The following RBM43 variants were observed in gnomAD, a reference collection of about 807,000 sequenced individuals.
RBM43 encodes the protein RNA binding motif protein 43.
Under a neutral mutation model 12.4 loss-of-function variants are expected in RBM43, and 12 were observed. The ratio of observed to expected loss-of-function variants is 0.97; its 90% CI spans 0.62 to 1.57. The LOEUF (loss-of-function observed/expected upper bound fraction) is 1.57, where lower values mean the gene tolerates loss of function less well. Among genes scored for constraint, RBM43 ranks in the 40% most tolerant of loss-of-function variants. The pLI, the probability that RBM43 is intolerant of heterozygous loss-of-function variation, is 0.00. For missense variants in RBM43, 348 were observed against 400.1 expected (o/e 0.87, Z 1.11); for synonymous variants, 138 against 145.7 (o/e 0.95, Z 0.38).
Position 151,248,680 on chromosome 2 carries a change from T to A in RBM43, c.*2226A>T, listed in dbSNP as rs2105187064. On this transcript the variant is annotated 3_prime_UTR_variant, in exon 4 of 4. Transcript: ENST00000331426. ...AGAAAAACAGACTAAATGATCCCTG[T>A]AATGTTTGAATATGTTACTAGCTGG... 6.6e-6 allele frequency: 1 copy of A among 152,306 alleles called. No homozygotes were observed. Among genetic ancestry groups the A allele is most frequent in the Middle Eastern group, 3.4e-3 (1 of 294 alleles). 9.4% of individuals were successfully genotyped at this position (152,306 alleles called of 1,614,324 possible).
At chr2:151,251,744 C>G in intron 3 of RBM43, 80 bp from the exon 4 acceptor site, 2 of 1,401,568 alleles carry the variant, frequency 1.4e-6, no homozygotes, top group Non-Finnish European at 1.9e-6. Context: ...CTGCCACTTT[C>G]TTTTCTCTGC....
chr2:151,258,020 A>G (rs1682996305), intron 1 of RBM43, among the ~76,000 whole-genome samples: 1 of 152,116 alleles, frequency 6.6e-6, no homozygotes, highest in South Asian at 2.1e-4. Flanking sequence ...AGTGAGCCCA[A>G]TTGTGCCATT....
At position 151,249,924 on chromosome 2, in the gene RBM43, G is replaced by C. The variant is rs922440137; in HGVS notation, c.*982C>G. On this transcript the variant is annotated 3_prime_UTR_variant, in exon 4 of 4. Coordinates refer to ENST00000331426, the MANE Select transcript of RBM43 (RefSeq NM_198557.3). ...AAGTACTTTTTCCCCCTAGCTTCTT[G>C]AGTCTGTTTTAGTTGGATGTGACAA... The C allele has an allele frequency of 1.3e-5, 2 of 152,160 alleles. No homozygotes were observed. The highest frequency in any genetic ancestry group is 2.4e-5 in the African/African-American group (1 of 41,422). The allele number at this position is 152,160 out of a possible 1,614,324, so 9.4% of individuals were successfully genotyped here.
intron 1 of RBM43, chr2:151,261,358 C>T (rs1683043624): frequency 1.3e-6 from 2 of 1,550,594 alleles, no homozygotes; most frequent in Non-Finnish European, 1.7e-6. Flanking sequence ...ACAGTTAAGC[C>T]CTAACAGCCT....
In RBM43 at chr2:151,251,377, GT is replaced by G; in HGVS notation, c.602del (p.Asn201ThrfsTer9). ...NPQRNLQRSN[N>X]SLASVRTLVP... ...CTAAGGTCCTGACTGATGCCAAAGA[GT>G]TATTACTTCTCTGTAGATTCCTCTG... On this transcript the variant is annotated frameshift_variant, in exon 4 of 4. Transcript: ENST00000331426. LOFTEE classifies it low-confidence loss of function (END_TRUNC). The G allele has an allele frequency of 1.2e-6, 2 of 1,614,140 alleles. No individual in the cohort carries two copies. Among genetic ancestry groups the G allele is most frequent in the Non-Finnish European group, 1.7e-6 (2 of 1,179,974 alleles).
intron 1 of RBM43, among the ~76,000 whole-genome samples, chr2:151,258,865 G>A (rs1438661726): frequency 2.6e-5 from 4 of 152,120 alleles, no homozygotes; most frequent in African/African-American, 9.7e-5. Flanking sequence ...AATGCAGGCC[G>A]GGCACGGTGG....
intron 3 of RBM43, among the ~76,000 whole-genome samples, chr2:151,252,340 T>C (rs992843827): frequency 6.6e-6 from 1 of 151,916 alleles, no homozygotes; most frequent in Non-Finnish European, 1.5e-5. Context: ...TTGGGCAACA[T>C]AGGGACACCC....
rs1682862137 is a variant in RBM43, at chr2:151,249,369, C to CTT, written c.*1535_*1536dup. ...TAAAACTAAGAATGTTACTTGTGGTCTTTCTTTTTTTTTTTTTTTTTTTTT... is the reference window on the plus strand; with the variant it reads ...TAAAACTAAGAATGTTACTTGTGGTCTTTTTCTTTTTTTTTTTTTTTTTTTTT... On this transcript the variant is annotated 3_prime_UTR_variant, in exon 4 of 4. Transcript: ENST00000331426. 1 of 123,312 alleles carries CTT rather than the reference C, an allele frequency of 8.1e-6. No homozygotes were observed. Among genetic ancestry groups the CTT allele is most frequent in the Non-Finnish European group, 1.6e-5 (1 of 60,928 alleles). 7.6% of individuals were successfully genotyped at this position (123,312 alleles called of 1,614,324 possible).
intron 2 of RBM43, among the ~76,000 whole-genome samples, chr2:151,254,307 T>TTTC (rs1553460026): frequency 3.6e-4 from 36 of 99,182 alleles, no homozygotes; most frequent in Admixed American, 1.4e-3. Context: ...CTCTCTCTCT[T>TTTC]TCTCTCTCTC....
chr2:151,261,831 G>C lies in RBM43; in HGVS notation c.-104C>G, dbSNP rs573941537. 39 of 963,768 alleles carry C rather than the reference G, an allele frequency of 4.0e-5. No individual in the cohort carries two copies. Among genetic ancestry groups the C allele is most frequent in the Middle Eastern group, 2.2e-4 (1 of 4,464 alleles). The allele number at this position is 963,768 out of a possible 1,614,324, so 59.7% of individuals were successfully genotyped here. A position where few individuals can be genotyped will look rare whatever the true frequency, so the allele number is the denominator to read the frequency against. ...CAGGCAGGTTTTGGTTTCGTTTTTTGTTCCAGCTCCCTTGGAGGCTACGAA... is the reference window on the plus strand; with the variant it reads ...CAGGCAGGTTTTGGTTTCGTTTTTTCTTCCAGCTCCCTTGGAGGCTACGAA... On this transcript the variant is annotated 5_prime_UTR_variant, in exon 1 of 4. Coordinates refer to ENST00000331426, the MANE Select transcript of RBM43 (RefSeq NM_198557.3).
chr2:151,251,463 G>C lies in RBM43; in HGVS notation c.517C>G (p.Leu173Val). Residue 173 changes from leucine (L) to valine (V), a missense_variant, in exon 4 of 4, where the codon CTC (leucine) becomes GTC (valine). Leu to Val is a conservative substitution (Grantham distance 32). Coordinates refer to ENST00000331426, the MANE Select transcript of RBM43 (RefSeq NM_198557.3). ...GTAAAATTTCTGTCTTTTTCTAAGA[G>C]AGAACATGCTCTTGCTAGCAAAGAT... ...RESLLARACS[L>V]LEKDRNFTSE... is the part of the protein sequence containing the mutation. 6.2e-7 allele frequency: 1 copy of C among 1,614,096 alleles called. No homozygotes were observed. Among genetic ancestry groups the C allele is most frequent in the Non-Finnish European group, 8.5e-7 (1 of 1,179,978 alleles).
At chr2:151,257,560 G>A (rs898732957) in intron 1 of RBM43, among the ~76,000 whole-genome samples, 2 of 152,062 alleles carry the variant, frequency 1.3e-5, no homozygotes, top group African/African-American at 4.8e-5. Flanking sequence ...TGGCATGGTG[G>A]TGCATGCCTG....
At position 151,261,810 on chromosome 2, in the gene RBM43, C is replaced by A; in HGVS notation, c.-83G>T. The A allele has an allele frequency of 6.8e-7, 1 of 1,477,224 alleles. No homozygotes were observed. The highest frequency in any genetic ancestry group is 2.0e-5 in the African/African-American group (1 of 51,002). 91.5% of individuals were successfully genotyped at this position (1,477,224 alleles called of 1,614,324 possible). A position where few individuals can be genotyped will look rare whatever the true frequency, so the allele number is the denominator to read the frequency against. On this transcript the variant is annotated 5_prime_UTR_variant, in exon 1 of 4. Coordinates refer to ENST00000331426, the MANE Select transcript of RBM43 (RefSeq NM_198557.3). ...GGCGATGGGGAGAGGAGCGAGCAGGCAGGTTTTGGTTTCGTTTTTTGTTCC... is the reference window on the plus strand; with the variant it reads ...GGCGATGGGGAGAGGAGCGAGCAGGAAGGTTTTGGTTTCGTTTTTTGTTCC...
At position 151,248,814 on chromosome 2, in the gene RBM43, C is replaced by T. The variant is rs1203478046; in HGVS notation, c.*2092G>A. ...GCCAAGTAAATGCAAGCACTGAATACACAAAGGCCAAATAAATACAAGACA... is the reference window on the plus strand; with the variant it reads ...GCCAAGTAAATGCAAGCACTGAATATACAAAGGCCAAATAAATACAAGACA... On this transcript the variant is annotated 3_prime_UTR_variant, in exon 4 of 4. Coordinates refer to ENST00000331426, the MANE Select transcript of RBM43 (RefSeq NM_198557.3). 1 of 152,020 alleles carries T rather than the reference C, an allele frequency of 6.6e-6. No individual in the cohort carries two copies. The highest frequency in any genetic ancestry group is 2.4e-5 in the African/African-American group (1 of 41,382). The allele number at this position is 152,020 out of a possible 1,614,324, so 9.4% of individuals were successfully genotyped here.
intron 1 of RBM43, among the ~76,000 whole-genome samples, chr2:151,257,412 C>T (rs913809525): frequency 2.6e-5 from 4 of 152,186 alleles, no homozygotes; most frequent in Non-Finnish European, 5.9e-5. Context: ...AAAAAGAAGG[C>T]CAGGCACGGT....
chr2:151,259,138 C>CAG (rs1553460275), intron 1 of RBM43, among the ~76,000 whole-genome samples: 3 of 140,298 alleles, frequency 2.1e-5, no homozygotes, highest in Non-Finnish European at 4.6e-5. Context: ...ACTTCGTCCC[C>CAG]AAAAAAAAAA....
Position 151,251,648 on chromosome 2 carries a change from T to G in RBM43, c.332A>C (p.Asn111Thr). 1 of 1,610,120 alleles carries G rather than the reference T, an allele frequency of 6.2e-7. No individual in the cohort carries two copies. The highest frequency in any genetic ancestry group is 8.5e-7 in the Non-Finnish European group (1 of 1,178,974). ...HFGDKIFSSV[N>T]AILDLSVFGK... ...AAAAACAGAAAGATCAAGGATGGCA[T>G]TTACAGAGCTGAAGATCTGAAATTA... Residue 111 changes from asparagine to threonine, a missense_variant, in exon 4 of 4, where the codon AAT becomes ACT. Physicochemically the swap from Asn to Thr is moderately conservative, Grantham distance 65 (BLOSUM62 0). Transcript: ENST00000331426.
Position 151,251,480 on chromosome 2 carries a change from A to G in RBM43, c.500T>C (p.Leu167Pro), listed in dbSNP as rs750934656. 6.2e-7 allele frequency: 1 copy of G among 1,614,180 alleles called. No individual in the cohort carries two copies. Among genetic ancestry groups the G allele is most frequent in the Non-Finnish European group, 8.5e-7 (1 of 1,180,016 alleles). ...LAVKRLRESL[L>P]ARACSLLEKD... ...TTCTAAGAGAGAACATGCTCTTGCT[A>G]GCAAAGATTCTCTGAGCCTCTTGAC... is the stretch of plus-strand genomic sequence containing the variant. The change falls in exon 4 of 4, where the codon CTA (leucine) becomes CCA (proline). Residue 167 changes from leucine to proline, a missense_variant. Leu to Pro is a moderately conservative substitution (Grantham distance 98, BLOSUM62 -3). Transcript: ENST00000331426.
rs146107387 is a variant in RBM43 at position 151,259,457 on chromosome 2, C to A, written c.3+2268G>T. On this transcript the variant is annotated intron_variant, in intron 1 of 3. Transcript: ENST00000331426. ...AGTCAGGAGTTCGAGATCAGCCTGGCCAACATAGTGAAACGCCATCTCTAC... is the reference window on the plus strand; with the variant it reads ...AGTCAGGAGTTCGAGATCAGCCTGGACAACATAGTGAAACGCCATCTCTAC... Among the ~76,000 whole-genome samples, 114 of 152,088 alleles carry A rather than the reference C, an allele frequency of 7.5e-4. No individual in the cohort carries two copies. In the East Asian group the frequency reaches 0.02, roughly 26 times the overall value.
Sources: allele counts gnomAD v4.1 joint callset (sites outside exome capture counted in the v4.1 genomes callset), GRCh38; gene constraint gnomAD v4.1.1; transcripts MANE v1.5; gene names NCBI Gene and HGNC (gene_info 2026-07-23, HGNC 2026-07-21).